SYTL5: variants seen among roughly 807,000 people sequenced by gnomAD.
SYTL5 encodes the protein synaptotagmin-like protein 5.
A neutral mutation model predicts 55.9 loss-of-function variants in SYTL5; 34 were observed. The observed-to-expected ratio is 0.61, with a 90% CI of 0.46 to 0.81. SYTL5 has a LOEUF of 0.81. Among genes scored for constraint, SYTL5 ranks in the 30% least tolerant of loss-of-function variants. The probability of loss-of-function intolerance (pLI) is 0.00; values close to 1 mark genes in which losing one functional copy is unlikely to be tolerated. For missense variants in SYTL5, 637 were observed against 546.7 expected, an observed-to-expected ratio of 1.17 and a Z score of -1.65; for synonymous variants, 221 against 188.7, an observed-to-expected ratio of 1.17 and a Z score of -1.40.
At chrX:37,969,426 G>C in the SYTL5 span, among the ~76,000 whole-genome samples, 1 of 111,710 alleles carries the variant, frequency 9.0e-6, no homozygotes, top group African/African-American at 3.3e-5. Context: ...TACTTGATTA[G>C]AGCTCTCACA....
chrX:37,991,010 C>G, the SYTL5 span: 4 of 1,211,842 alleles, frequency 3.3e-6, no homozygotes, highest in South Asian at 7.0e-5. Context: ...TTACCTTGCT[C>G]GATTGCCTTG....
the SYTL5 span, among the ~76,000 whole-genome samples, chrX:37,965,609 A>C: frequency 6.3e-5 from 7 of 111,857 alleles, no homozygotes; most frequent in East Asian, 2.0e-3. Flanking sequence ...TCTGTATATG[A>C]CTGTTAGGTC....
the SYTL5 span, among the ~76,000 whole-genome samples, chrX:37,931,317 T>C: frequency 8.9e-6 from 1 of 111,735 alleles, no homozygotes; most frequent in East Asian, 2.8e-4. Context: ...ATTTGGAAAG[T>C]GTGAGATAAA....
At chrX:37,931,457 T>C in the SYTL5 span, among the ~76,000 whole-genome samples, 5 of 111,940 alleles carry the variant, frequency 4.5e-5, no homozygotes, top group Admixed American at 4.8e-4. Context: ...TCTGAAATGT[T>C]AGCCCTTCTA....
the SYTL5 span, among the ~76,000 whole-genome samples, chrX:37,932,091 A>G: frequency 8.9e-6 from 1 of 112,371 alleles, no homozygotes; most frequent in Non-Finnish European, 1.9e-5. Flanking sequence ...AAATTTTAAG[A>G]ATTAAAAAAA....
the SYTL5 span, among the ~76,000 whole-genome samples, chrX:37,987,392 A>C: frequency 8.9e-6 from 1 of 112,201 alleles, no homozygotes; most frequent in Non-Finnish European, 1.9e-5. Flanking sequence ...ATAGTGCTAA[A>C]GTTTATAAAC....
intron 2 of SYTL5, among the ~76,000 whole-genome samples, chrX:38,041,047 T>A (rs888339926): frequency 2.7e-5 from 3 of 111,888 alleles, no homozygotes; most frequent in African/African-American, 9.8e-5. Flanking sequence ...GAACTTAATA[T>A]CTCCAAGAGA....
At chrX:37,971,125 AT>A in the SYTL5 span, among the ~76,000 whole-genome samples, 21,899 of 111,050 alleles carry the variant, frequency 0.2, 1,594 homozygotes, top group Middle Eastern at 0.3. Flanking sequence ...CTCTTTACAT[AT>A]TTTTAGTATT....
intron 2 of SYTL5, among the ~76,000 whole-genome samples, chrX:38,045,612 A>G (rs1391147109): frequency 8.9e-6 from 1 of 111,865 alleles, no homozygotes; most frequent in Admixed American, 9.5e-5. Flanking sequence ...TCTTTCCTTG[A>G]GACTATTTGT....
At chrX:37,927,136 G>A in the SYTL5 span, among the ~76,000 whole-genome samples, 2 of 111,799 alleles carry the variant, frequency 1.8e-5, no homozygotes, top group African/African-American at 3.3e-5. Flanking sequence ...TCCTTCTGAC[G>A]GATATGTCTA....
chrX:37,958,773 G>T, the SYTL5 span, among the ~76,000 whole-genome samples: 19 of 112,421 alleles, frequency 1.7e-4, no homozygotes, highest in Admixed American at 1.6e-3. Context: ...CTATGTATTT[G>T]CAAAATGCAA....
chrX:37,898,925 T>A, the SYTL5 span, among the ~76,000 whole-genome samples: 1 of 111,956 alleles, frequency 8.9e-6, no homozygotes, highest in African/African-American at 3.3e-5. Flanking sequence ...CAATCTCACC[T>A]AAGAGCCCAC....
intron 2 of SYTL5, among the ~76,000 whole-genome samples, chrX:38,049,363 T>A (rs772859010): frequency 8.9e-6 from 1 of 111,898 alleles, no homozygotes; most frequent in Non-Finnish European, 1.9e-5. Flanking sequence ...CACATTATAA[T>A]CATGACTTAA....
At chrX:38,017,960 T>C (rs1312716161) in intron 1 of SYTL5, among the ~76,000 whole-genome samples, 2 of 110,089 alleles carry the variant, frequency 1.8e-5, no homozygotes, top group Admixed American at 9.6e-5. Flanking sequence ...TGCTAAATCA[T>C]GGAGGTCTGG....
At chrX:37,936,828 G>T in the SYTL5 span, among the ~76,000 whole-genome samples, 1 of 110,319 alleles carries the variant, frequency 9.1e-6, no homozygotes, top group Non-Finnish European at 1.9e-5. Flanking sequence ...GATCACCTGA[G>T]GTTGGGAGTT....
intron 2 of SYTL5, among the ~76,000 whole-genome samples, chrX:38,049,980 C>T (rs1175204824): frequency 1.8e-5 from 2 of 111,822 alleles, no homozygotes; most frequent in Non-Finnish European, 3.8e-5. Context: ...AAATAAGTGG[C>T]ATAGCCAGAA....
At position 38,062,129 on chromosome X, in the gene SYTL5, G is replaced by A. The variant is rs764076493; in HGVS notation, c.329+7707G>A. Among the ~76,000 whole-genome samples, 5 of 110,188 alleles carry A rather than the reference G, an allele frequency of 4.5e-5. No individual in the cohort carries two copies. In the East Asian group the frequency reaches 8.5e-4, roughly 19 times the overall value. ...ACTACAGGCATGTGCCACCACACCC[G>A]GCTAATTTTGTTGTATTTTTAGTAG... On this transcript the variant is annotated intron_variant, in intron 3 of 16. Transcript: ENST00000297875.
At chrX:37,898,486 TA>T in the SYTL5 span, among the ~76,000 whole-genome samples, 1 of 112,210 alleles carries the variant, frequency 8.9e-6, no homozygotes, top group Non-Finnish European at 1.9e-5. Flanking sequence ...CCTGAATCAT[TA>T]AAATGAATTT....
the SYTL5 span, among the ~76,000 whole-genome samples, chrX:37,948,882 C>T: frequency 1.8e-5 from 2 of 111,676 alleles, no homozygotes; most frequent in Non-Finnish European, 3.8e-5. Context: ...CTGCAGTGAA[C>T]ATAGGAATAC....
Sources: allele counts gnomAD v4.1 joint callset (sites outside exome capture counted in the v4.1 genomes callset), GRCh38; gene constraint gnomAD v4.1.1; transcripts MANE v1.5; gene names NCBI Gene and HGNC (gene_info 2026-07-23, HGNC 2026-07-21).